RBFOX1: variants seen among roughly 807,000 people sequenced by gnomAD.
The protein encoded by RBFOX1 is RNA binding protein fox-1 homolog 1.
Under a neutral mutation model 57.7 loss-of-function variants are expected in RBFOX1, and 8 were observed. The ratio of observed to expected loss-of-function variants is 0.14; its 90% CI spans 0.08 to 0.25. RBFOX1 has a LOEUF of 0.25. Ranked by LOEUF, RBFOX1 falls within the 10% of genes least tolerant of loss-of-function variation. The pLI, the probability that RBFOX1 is intolerant of heterozygous loss-of-function variation, is 1.00. For missense variants in RBFOX1, 611 were observed against 548.5 expected (o/e 1.11, Z -1.14); for synonymous variants, 326 against 222.4 (o/e 1.47, Z -4.15).
chr16:5,352,327 A>G (rs998842418), intron 1 of RBFOX1, among the ~76,000 whole-genome samples: 7 of 152,338 alleles, frequency 4.6e-5, no homozygotes, highest in Non-Finnish European at 1.0e-4. Context: ...CATTTAACCT[A>G]TAACCCAGCA....
chr16:7,037,179 C>G (rs193158646), intron 3 of RBFOX1, among the ~76,000 whole-genome samples: 9 of 147,924 alleles, frequency 6.1e-5, no homozygotes, highest in Non-Finnish European at 7.4e-5. Context: ...TATCCTGTGA[C>G]TTAGAATGCC....
intron 3 of RBFOX1, among the ~76,000 whole-genome samples, chr16:6,753,573 C>G (rs992895658): frequency 2.6e-5 from 4 of 152,114 alleles, no homozygotes; most frequent in African/African-American, 7.2e-5. Flanking sequence ...TTAATAGAGA[C>G]TGTGCAATTT....
At chr16:7,462,869 C>T (rs1339519641) in intron 4 of RBFOX1, among the ~76,000 whole-genome samples, 6 of 152,192 alleles carry the variant, frequency 3.9e-5, no homozygotes, top group African/African-American at 1.4e-4. Context: ...ATCACTCTGA[C>T]TCTAGTTGGA....
chr16:6,833,151 T>A (rs1033067670), intron 3 of RBFOX1, among the ~76,000 whole-genome samples: 2 of 151,794 alleles, frequency 1.3e-5, no homozygotes, highest in African/African-American at 2.4e-5. Context: ...GTATTTTATT[T>A]TATTTTATTT....
intron 4 of RBFOX1, among the ~76,000 whole-genome samples, chr16:7,181,078 C>G (rs1193927571): frequency 6.6e-6 from 1 of 152,238 alleles, no homozygotes; most frequent in African/African-American, 2.4e-5. Context: ...CAGGCCATGG[C>G]TTACTGACCC....
At chr16:6,910,764 C>G (rs553570681) in intron 3 of RBFOX1, among the ~76,000 whole-genome samples, 1 of 152,166 alleles carries the variant, frequency 6.6e-6, no homozygotes, top group South Asian at 2.1e-4. Flanking sequence ...GATTACACAG[C>G]AAAACCATCA....
chr16:6,217,212 A>G (rs555848721), intron 1 of RBFOX1, among the ~76,000 whole-genome samples: 87 of 113,980 alleles, frequency 7.6e-4, no homozygotes, highest in African/African-American at 2.8e-3. Flanking sequence ...GTCTGAATCT[A>G]GAAGCAAATG....
chr16:7,347,494 GA>G (rs2097035202), intron 4 of RBFOX1, among the ~76,000 whole-genome samples: 1 of 152,164 alleles, frequency 6.6e-6, no homozygotes, highest in African/African-American at 2.4e-5. Flanking sequence ...TTCCTGTCAT[GA>G]CACGTGGGAA....
At chr16:6,809,247 G>A (rs1282869354) in intron 3 of RBFOX1, among the ~76,000 whole-genome samples, 2 of 152,114 alleles carry the variant, frequency 1.3e-5, no homozygotes, top group African/African-American at 4.8e-5. Flanking sequence ...GATTCTGGGG[G>A]CTGCCTTCTG....
chr16:7,057,668 G>A (rs1254352326), intron 4 of RBFOX1, among the ~76,000 whole-genome samples: 1 of 152,150 alleles, frequency 6.6e-6, no homozygotes. Flanking sequence ...ACTCTTGAGG[G>A]AAGACTTCAT....
At chr16:7,630,309 C>T (rs1192775947) in intron 10 of RBFOX1, among the ~76,000 whole-genome samples, 1 of 151,992 alleles carries the variant, frequency 6.6e-6, no homozygotes, top group Non-Finnish European at 1.5e-5. Context: ...TTTCAGTATG[C>T]CACGCTGCTT....
At chr16:7,365,960 C>G (rs974198744) in intron 4 of RBFOX1, among the ~76,000 whole-genome samples, 20 of 152,222 alleles carry the variant, frequency 1.3e-4, no homozygotes, top group Non-Finnish European at 2.4e-4. Flanking sequence ...AGTATGGCTG[C>G]TAATAGAAGG....
At chr16:6,201,418 A>G (rs373277397) in intron 1 of RBFOX1, among the ~76,000 whole-genome samples, 2 of 152,160 alleles carry the variant, frequency 1.3e-5, no homozygotes, top group South Asian at 2.1e-4. Context: ...TGCATTCTCA[A>G]CAACAGCGTA....
At chr16:6,743,027 G>T (rs941786861) in intron 3 of RBFOX1, among the ~76,000 whole-genome samples, 14 of 152,070 alleles carry the variant, frequency 9.2e-5, no homozygotes, top group African/African-American at 3.1e-4. Context: ...TAACAAATGG[G>T]TTACCAATGT....
chr16:7,202,529 TGTAGTG>T (rs1252735120), intron 4 of RBFOX1, among the ~76,000 whole-genome samples: 1 of 152,220 alleles, frequency 6.6e-6, no homozygotes, highest in Non-Finnish European at 1.5e-5. Flanking sequence ...CCCTGGGTCA[TGTAGTG>T]GTACCGGTGT....
intron 8 of RBFOX1, 48 bp from the exon 9 acceptor site, chr16:7,597,323 G>A: frequency 1.4e-6 from 2 of 1,394,628 alleles, no homozygotes; most frequent in East Asian, 2.4e-5. Flanking sequence ...AATTGAATTG[G>A]GAGCTGGCCC....
intron 1 of RBFOX1, among the ~76,000 whole-genome samples, chr16:5,387,755 C>G (rs931178000): frequency 1.3e-5 from 2 of 152,122 alleles, no homozygotes; most frequent in African/African-American, 4.8e-5. Flanking sequence ...GGATATGTTA[C>G]GTTCCATGGC....
At chr16:6,854,511 C>G (rs974057580) in intron 3 of RBFOX1, among the ~76,000 whole-genome samples, 4 of 151,120 alleles carry the variant, frequency 2.6e-5, no homozygotes, top group Non-Finnish European at 5.9e-5. Flanking sequence ...GACTTTCTCT[C>G]AGGTTACCTG....
chr16:5,392,039 C>G (rs1005293823), intron 1 of RBFOX1, among the ~76,000 whole-genome samples: 2 of 151,966 alleles, frequency 1.3e-5, no homozygotes, highest in Admixed American at 6.6e-5. Context: ...GGTTGGAAAA[C>G]CAAACATCAT....
Sources: allele counts gnomAD v4.1 joint callset (sites outside exome capture counted in the v4.1 genomes callset), GRCh38; gene constraint gnomAD v4.1.1; transcripts MANE v1.5; gene names NCBI Gene and HGNC (gene_info 2026-07-23, HGNC 2026-07-21).